The following POC1B variants were observed in gnomAD, a reference collection of about 807,000 sequenced individuals.
POC1B encodes POC1 centriolar protein homolog B.
A neutral mutation model predicts 60.6 loss-of-function variants in POC1B; 44 were observed. The ratio of observed to expected loss-of-function variants is 0.73; its 90% CI spans 0.57 to 0.93. The LOEUF (loss-of-function observed/expected upper bound fraction) is 0.93, where lower values mean the gene tolerates loss of function less well. Ranked by LOEUF, POC1B falls within the 40% of genes least tolerant of loss-of-function variation. The probability of loss-of-function intolerance (pLI) is 0.00; values close to 1 mark genes in which losing one functional copy is unlikely to be tolerated. For synonymous variants in POC1B, 180 were observed against 198.9 expected, an observed-to-expected ratio of 0.90 and a Z score of 0.80; for missense variants, 555 against 572.3, an observed-to-expected ratio of 0.97 and a Z score of 0.31.
chr12:89,509,858 T>G (rs1161898458), intron 2 of POC1B, among the ~76,000 whole-genome samples: 1 of 152,126 alleles, frequency 6.6e-6, no homozygotes, highest in Non-Finnish European at 1.5e-5. Context: ...CAATTTTGGT[T>G]TTTTTGCGAC....
At position 89,492,068 on chromosome 12, in the gene POC1B, C is replaced by A; in HGVS notation, c.320G>T (p.Ser107Ile). The A allele has an allele frequency of 6.2e-7, 1 of 1,601,942 alleles. No homozygotes were observed. Among genetic ancestry groups the A allele is most frequent in the Non-Finnish European group, 8.5e-7 (1 of 1,176,494 alleles). The change falls in exon 4 of 12, where the codon AGT becomes ATT. Residue 107 changes from serine (S) to isoleucine (I), a missense_variant. Physicochemically the swap from Ser to Ile is moderately radical, Grantham distance 142. Coordinates refer to ENST00000313546, the MANE Select transcript of POC1B (RefSeq NM_172240.3). ...EFKAHTAPVR[S>I]VDFSADGQFL... is the part of the protein sequence containing the mutation. The stretch of plus-strand genomic sequence containing the variant: ...CTGGCCATCAGCTGAAAAGTCTACA[C>A]TTCGAACTGGAGCTGTATGAGCTTT...
the POC1B span, among the ~76,000 whole-genome samples, chr12:89,405,674 G>C: frequency 2.0e-5 from 3 of 152,160 alleles, no homozygotes; most frequent in African/African-American, 7.2e-5. Context: ...AATGAGTGCA[G>C]GGCCGGGGCG....
intron 2 of POC1B, among the ~76,000 whole-genome samples, chr12:89,503,196 G>A (rs1405482344): frequency 6.6e-6 from 1 of 151,750 alleles, no homozygotes. Context: ...TGCCATCTCG[G>A]CTCACTGCAA....
rs760896769 is a variant in POC1B at position 89,492,043 on chromosome 12, C to T, written c.345G>A (p.Gln115=). 1 of 1,609,534 alleles carries T rather than the reference C, an allele frequency of 6.2e-7. No homozygotes were observed. The highest frequency in any genetic ancestry group is 8.5e-7 in the Non-Finnish European group (1 of 1,178,704). ...TGTCTTCAGAAGCTGTAGCTAGAAA[C>T]TGGCCATCAGCTGAAAAGTCTACAC... is the stretch of plus-strand genomic sequence containing the variant. ...VRSVDFSADG[Q]FLATASEDKS... Residue 115 remains glutamine (Q), a synonymous_variant, in exon 4 of 12, where the codon CAG becomes CAA. Coordinates refer to ENST00000313546, the MANE Select transcript of POC1B (RefSeq NM_172240.3).
At chr12:89,491,826 T>A in intron 4 of POC1B, 110 bp downstream of exon 4, 1 of 883,212 alleles carries the variant, frequency 1.1e-6, no homozygotes, top group East Asian at 2.7e-5. Flanking sequence ...AACAAATATC[T>A]GTTGAATGAA....
At chr12:89,477,234 AT>A (rs976083049) in intron 4 of POC1B, among the ~76,000 whole-genome samples, 1 of 152,020 alleles carries the variant, frequency 6.6e-6, no homozygotes, top group Non-Finnish European at 1.5e-5. Context: ...CAAAACATTT[AT>A]TTTTTTTAAG....
At chr12:89,437,913 T>G (rs1290438206) in intron 10 of POC1B, among the ~76,000 whole-genome samples, 1 of 151,476 alleles carries the variant, frequency 6.6e-6, no homozygotes, top group African/African-American at 2.4e-5. Flanking sequence ...CAGGGAGTGT[T>G]GGTGTGGCCT....
chr12:89,518,148 T>C (rs1032049863), intron 2 of POC1B, among the ~76,000 whole-genome samples: 9 of 152,076 alleles, frequency 5.9e-5, no homozygotes, highest in Non-Finnish European at 1.3e-4. Context: ...TGCCCTCTAA[T>C]TTTCATTTCT....
chr12:89,477,475 C>T (rs1017630063), intron 4 of POC1B, among the ~76,000 whole-genome samples: 3 of 152,108 alleles, frequency 2.0e-5, no homozygotes, highest in Non-Finnish European at 4.4e-5. Flanking sequence ...CCTGCAGGAA[C>T]CTCCAGCTCT....
At chr12:89,456,348 A>T (rs1224437041) in intron 10 of POC1B, among the ~76,000 whole-genome samples, 1 of 152,184 alleles carries the variant, frequency 6.6e-6, no homozygotes, top group East Asian at 1.9e-4. Flanking sequence ...ATTAGGATAC[A>T]GGAAACAAAT....
intron 10 of POC1B, chr12:89,427,699 T>C (rs1880829801): frequency 1.3e-5 from 2 of 152,172 alleles, no homozygotes; most frequent in African/African-American, 2.4e-5. Context: ...AGAAACTCTG[T>C]CTCTTAAAAA....
chr12:89,415,439 C>G (rs1037368322), downstream of POC1B, among the ~76,000 whole-genome samples: 2 of 152,074 alleles, frequency 1.3e-5, no homozygotes, highest in African/African-American at 4.8e-5. Context: ...GTCAAGAGAT[C>G]AAGACCATCC....
chr12:89,425,046 T>C lies in POC1B; in HGVS notation c.1332+115A>G, dbSNP rs1880702112. The C allele has an allele frequency of 4.8e-6, 5 of 1,050,272 alleles. No homozygotes were observed. The South Asian group carries it at 6.3e-5, about 13-fold the overall frequency. 65.1% of individuals were successfully genotyped at this position (1,050,272 alleles called of 1,614,324 possible). On this transcript the variant is annotated intron_variant, in intron 11 of 11. Coordinates refer to ENST00000313546, the MANE Select transcript of POC1B (RefSeq NM_172240.3). ...TAGGGCATTGCCACCTTGAGTTTGC[T>C]TTGCTAGTATAGAGAAATCTCCCCT...
intron 9 of POC1B, among the ~76,000 whole-genome samples, chr12:89,462,632 T>A (rs1882523134): frequency 6.6e-6 from 1 of 152,232 alleles, no homozygotes; most frequent in Admixed American, 6.5e-5. Flanking sequence ...GATACTTTAA[T>A]ATCTGTTAAC....
chr12:89,470,224 T>C, intron 7 of POC1B, 137 bp downstream of exon 7: 1 of 423,654 alleles, frequency 2.4e-6, no homozygotes, highest in Non-Finnish European at 3.3e-6. Flanking sequence ...GCCTTGGAAG[T>C]AAAAAAATTT....
chr12:89,495,322 G>A (rs764667527), intron 3 of POC1B, among the ~76,000 whole-genome samples: 1 of 152,218 alleles, frequency 6.6e-6, no homozygotes, highest in Non-Finnish European at 1.5e-5. Flanking sequence ...TTTGGAACAT[G>A]CTTCTCCTCT....
intron 4 of POC1B, among the ~76,000 whole-genome samples, chr12:89,475,308 G>C (rs758175235): frequency 6.6e-6 from 1 of 152,154 alleles, no homozygotes; most frequent in Non-Finnish European, 1.5e-5. Context: ...TGTGAACCTC[G>C]AATGAGTTAA....
At chr12:89,485,067 T>C (rs929455291) in intron 4 of POC1B, among the ~76,000 whole-genome samples, 2 of 152,238 alleles carry the variant, frequency 1.3e-5, no homozygotes, top group African/African-American at 2.4e-5. Context: ...GCAGTTAGCA[T>C]TGTCATTAAA....
chr12:89,442,942 G>A (rs1399082500), intron 10 of POC1B, among the ~76,000 whole-genome samples: 1 of 151,980 alleles, frequency 6.6e-6, no homozygotes. Flanking sequence ...AAAAAAGCAG[G>A]GGTTGCAACC....
Sources: gnomAD v4.1 joint callset for allele counts (sites outside exome capture counted in the v4.1 genomes callset) on GRCh38, gnomAD v4.1.1 for gene constraint, MANE v1.5 for transcripts, NCBI Gene and HGNC (gene_info 2026-07-23, HGNC 2026-07-21) for gene names.